Variants in GAS2 observed in about 807,000 individuals in gnomAD.
The protein encoded by GAS2 is growth arrest specific 2.
A neutral mutation model predicts 37.5 loss-of-function variants in GAS2; 20 were observed. The ratio of observed to expected loss-of-function variants is 0.53; its 90% confidence interval spans 0.37 to 0.77. The LOEUF (loss-of-function observed/expected upper bound fraction) is 0.77, where lower values mean the gene tolerates loss of function less well. Among genes scored for constraint, GAS2 ranks in the 30% least tolerant of loss-of-function variants. The probability of loss-of-function intolerance (pLI) is 0.00; values close to 1 mark genes in which losing one functional copy is unlikely to be tolerated. For synonymous variants in GAS2, 144 were observed against 132.2 expected (o/e 1.09, Z -0.61); for missense variants, 336 against 373.4 (o/e 0.90, Z 0.82).
At chr11:22,750,732 T>A (rs1475067446) in intron 6 of GAS2, among the ~76,000 whole-genome samples, 1 of 151,988 alleles carries the variant, frequency 6.6e-6, no homozygotes, top group African/African-American at 2.4e-5. Context: ...TCAATTATAC[T>A]TTTTTTATTA....
At chr11:22,703,371 A>G (rs1041969477) in intron 3 of GAS2, among the ~76,000 whole-genome samples, 1 of 152,160 alleles carries the variant, frequency 6.6e-6, no homozygotes, top group African/African-American at 2.4e-5. Context: ...GATGTAGAAT[A>G]TTTTGTCAGA....
At chr11:22,629,885 G>C (rs757920595) in intron 1 of GAS2, among the ~76,000 whole-genome samples, 1 of 151,758 alleles carries the variant, frequency 6.6e-6, no homozygotes, top group African/African-American at 2.4e-5. Flanking sequence ...TCTTTGCCTC[G>C]GTCAGTGTCC....
intron 3 of GAS2, among the ~76,000 whole-genome samples, chr11:22,720,034 T>C (rs910864888): frequency 4.6e-5 from 7 of 152,080 alleles, no homozygotes; most frequent in African/African-American, 1.7e-4. Context: ...TTTATATTAC[T>C]CCAGAGATGA....
chr11:22,786,883 A>G (rs1247023136), intron 7 of GAS2, among the ~76,000 whole-genome samples: 1 of 152,152 alleles, frequency 6.6e-6, no homozygotes, highest in South Asian at 2.1e-4. Context: ...TCATTCTCAT[A>G]GTCACTACCC....
At chr11:22,687,420 T>G (rs1850017736) in intron 3 of GAS2, among the ~76,000 whole-genome samples, 1 of 152,184 alleles carries the variant, frequency 6.6e-6, no homozygotes, top group South Asian at 2.1e-4. Flanking sequence ...GGTACTAGAA[T>G]TTTTAAAAAG....
intron 7 of GAS2, among the ~76,000 whole-genome samples, chr11:22,773,302 C>T (rs372766513): frequency 9.2e-5 from 14 of 151,610 alleles, no homozygotes; most frequent in African/African-American, 3.2e-4. Context: ...CCCGGTTTTC[C>T]CTGCCTAATT....
intron 7 of GAS2, among the ~76,000 whole-genome samples, chr11:22,787,070 A>G (rs751456275): frequency 2.0e-5 from 3 of 152,152 alleles, no homozygotes; most frequent in Non-Finnish European, 4.4e-5. Flanking sequence ...CACCATGAAA[A>G]TACACAATTG....
At chr11:22,682,415 A>G (rs1271586077) in intron 2 of GAS2, among the ~76,000 whole-genome samples, 1 of 152,182 alleles carries the variant, frequency 6.6e-6, no homozygotes, top group South Asian at 2.1e-4. Context: ...ATACATAAAG[A>G]TCTATTACAA....
In GAS2 at chr11:22,812,132, G is replaced by A. The variant is rs955991536; in HGVS notation, c.*116G>A. On this transcript the variant is annotated 3_prime_UTR_variant, in exon 8 of 8. Transcript: ENST00000454584. ...TTTGGAGAAAGATAGACAGAAAAAT[G>A]TCATCATATTGAAAAATGTTCAAAG... is the stretch of plus-strand genomic sequence containing the variant. 8.4e-6 allele frequency: 6 copies of A among 710,724 alleles called. No homozygotes were observed. The highest frequency in any genetic ancestry group is 1.4e-5 in the Non-Finnish European group (6 of 422,738). 44.0% of individuals were successfully genotyped at this position (710,724 alleles called of 1,614,324 possible). A position where few individuals can be genotyped will look rare whatever the true frequency, so the allele number is the denominator to read the frequency against.
upstream of GAS2, among the ~76,000 whole-genome samples, chr11:22,663,195 C>G (rs756153118): frequency 6.6e-6 from 1 of 151,966 alleles, no homozygotes; most frequent in Non-Finnish European, 1.5e-5. Context: ...GGAAACGGAC[C>G]CCATGATCCA....
chr11:22,789,425 G>T (rs2041468), intron 7 of GAS2, among the ~76,000 whole-genome samples: 5,985 of 28,896 alleles, frequency 0.21, 640 homozygotes, highest in Admixed American at 0.29. Context: ...TCTCATATGA[G>T]ATATATATAT....
chr11:22,743,440 G>A (rs535559695), intron 5 of GAS2, among the ~76,000 whole-genome samples: 51 of 152,160 alleles, frequency 3.4e-4, no homozygotes, highest in African/African-American at 1.2e-3. Flanking sequence ...CTGGGCACAT[G>A]AAGTACACTA....
chr11:22,723,879 C>T (rs978955077), intron 3 of GAS2, among the ~76,000 whole-genome samples: 4 of 151,646 alleles, frequency 2.6e-5, no homozygotes. Flanking sequence ...ACATAACTTG[C>T]CTACTACTTT....
At chr11:22,658,129 G>T (rs1164499715) in intron 1 of GAS2, among the ~76,000 whole-genome samples, 1 of 151,622 alleles carries the variant, frequency 6.6e-6, no homozygotes, top group East Asian at 1.9e-4. Flanking sequence ...AGGTTCAAGT[G>T]ATTCTCCTGC....
intron 3 of GAS2, among the ~76,000 whole-genome samples, chr11:22,709,012 C>T (rs1246299320): frequency 6.6e-6 from 1 of 152,006 alleles, no homozygotes; most frequent in Non-Finnish European, 1.5e-5. Flanking sequence ...AGACAGAGGG[C>T]CCATGGTAGT....
intron 7 of GAS2, among the ~76,000 whole-genome samples, chr11:22,772,904 T>C (rs959177836): frequency 5.9e-5 from 9 of 152,188 alleles, no homozygotes; most frequent in African/African-American, 1.4e-4. Flanking sequence ...CACCCTGCAA[T>C]GCCCAAAGAA....
At chr11:22,725,038 C>T (rs1254849950) in intron 3 of GAS2, among the ~76,000 whole-genome samples, 1 of 151,928 alleles carries the variant, frequency 6.6e-6, no homozygotes, top group Admixed American at 6.6e-5. Context: ...AGTGCTTCTC[C>T]CTTGATTTTT....
chr11:22,676,918 T>G (rs895880821), intron 2 of GAS2, among the ~76,000 whole-genome samples: 20 of 152,126 alleles, frequency 1.3e-4, no homozygotes, highest in African/African-American at 4.3e-4. Flanking sequence ...ACCAACCTTA[T>G]GGAATTGTTG....
intron 7 of GAS2, among the ~76,000 whole-genome samples, chr11:22,775,416 T>A (rs543659908): frequency 6.6e-6 from 1 of 152,272 alleles, no homozygotes; most frequent in East Asian, 1.9e-4. Flanking sequence ...GAAACACCGT[T>A]AAGTTTATCT....
Sources: allele counts gnomAD v4.1 joint callset (sites outside exome capture counted in the v4.1 genomes callset), GRCh38; gene constraint gnomAD v4.1.1; transcripts MANE v1.5; gene names NCBI Gene and HGNC (gene_info 2026-07-23, HGNC 2026-07-21).